BICD2: variants seen among roughly 807,000 people sequenced by gnomAD.
BICD2 encodes the protein protein bicaudal D homolog 2.
Under a neutral mutation model 72.9 loss-of-function variants are expected in BICD2, and 25 were observed. The observed-to-expected ratio is 0.34, with a 90% CI of 0.25 to 0.48. The LOEUF (loss-of-function observed/expected upper bound fraction) is 0.48. Among genes scored for constraint, BICD2 ranks in the 20% least tolerant of loss-of-function variants. BICD2 has a pLI of 0.99. For synonymous variants in BICD2, 501 were observed against 516.1 expected (o/e 0.97, Z 0.40); for missense variants, 894 against 1,175.2 (o/e 0.76, Z 3.50).
intron 1 of BICD2, among the ~76,000 whole-genome samples, chr9:92,761,904 G>A (rs868114583): frequency 6.6e-6 from 1 of 152,284 alleles, no homozygotes; most frequent in African/African-American, 2.4e-5. Context: ...AGCCAGCACC[G>A]TGCTATGTTG....
intron 1 of BICD2, among the ~76,000 whole-genome samples, chr9:92,763,687 C>T (rs1008907732): frequency 1.6e-4 from 24 of 150,034 alleles, no homozygotes; most frequent in Admixed American, 1.3e-3. Flanking sequence ...CCTCGACCAG[C>T]CTGGTGGTCT....
Position 92,764,738 on chromosome 9 carries a change from C to T in BICD2, c.7G>A (p.Ala3Thr), listed in dbSNP as rs749811756. 6.4e-7 allele frequency: 1 copy of T among 1,568,494 alleles called. No homozygotes were observed. Among genetic ancestry groups the T allele is most frequent in the Middle Eastern group, 1.7e-4 (1 of 5,916 alleles). Residue 3 changes from alanine to threonine, a missense_variant, in exon 1 of 7, where the codon GCG becomes ACG. Transcript: ENST00000356884. This position sits in a 1 kb window ranked among gnomAD's most constrained non-coding sequence, Gnocchi z 5.5. MS[A>T]PSEEEEYARL... The stretch of plus-strand genomic sequence containing the variant: ...GCGTACTCCTCCTCCTCCGACGGCG[C>T]CGACATGGTGGCCGAGGGCTGAGCC...
At chr9:92,757,662 G>A (rs530599638) in intron 1 of BICD2, among the ~76,000 whole-genome samples, 1 of 150,612 alleles carries the variant, frequency 6.6e-6, no homozygotes, top group East Asian at 2.0e-4. Flanking sequence ...AGCCGAGATC[G>A]CGCCATTGTA....
At position 92,718,417 on chromosome 9, in the gene BICD2, G is replaced by C. The variant is rs1853369094; in HGVS notation, c.2106+122C>G. ...AGGCAGTCGAGCTACTATGGGGCTG[G>C]CTCTGTCTGGTGGTGACGCAGGCCT... is the stretch of plus-strand genomic sequence containing the variant. On this transcript the variant is annotated intron_variant, in intron 5 of 6. Coordinates refer to ENST00000356884, the MANE Select transcript of BICD2 (RefSeq NM_001003800.2). The C allele has an allele frequency of 4.2e-6, 5 of 1,197,232 alleles. No homozygotes were observed. The Admixed American group carries it at 1.3e-4, about 32-fold the overall frequency. The allele number at this position is 1,197,232 out of a possible 1,614,324, so 74.2% of individuals were successfully genotyped here.
At position 92,720,267 on chromosome 9, in the gene BICD2, G is replaced by A. The variant is rs1587669986; in HGVS notation, c.1062+33C>T. The A allele has an allele frequency of 6.3e-7, 1 of 1,577,326 alleles. No individual in the cohort carries two copies. The highest frequency in any genetic ancestry group is 8.6e-7 in the Non-Finnish European group (1 of 1,161,620). On this transcript the variant is annotated intron_variant, in intron 4 of 6. Transcript: ENST00000356884. This position sits in a 1 kb window ranked among gnomAD's most constrained non-coding sequence, Gnocchi z 5.4. ...GGGAGCCCTGCAGACCTGGAGTGGGGACAGCGTGCCGAAGGCCCCACTGCC... is the reference window on the plus strand; with the variant it reads ...GGGAGCCCTGCAGACCTGGAGTGGGAACAGCGTGCCGAAGGCCCCACTGCC...
intron 2 of BICD2, among the ~76,000 whole-genome samples, chr9:92,723,732 T>C (rs191309889): frequency 6.6e-6 from 1 of 152,320 alleles, no homozygotes; most frequent in East Asian, 1.9e-4. Flanking sequence ...AAAAATTAGT[T>C]CAGGCTCTAA....
Position 92,714,526 on chromosome 9 carries a change from T to C in BICD2, c.*628A>G, listed in dbSNP as rs1037369578. 3 of 985,514 alleles carry C rather than the reference T, an allele frequency of 3.0e-6. No individual in the cohort carries two copies. The highest frequency in any genetic ancestry group is 2.4e-6 in the Non-Finnish European group (2 of 829,958). The allele number at this position is 985,514 out of a possible 1,614,324, so 61.0% of individuals were successfully genotyped here. ...GTTATGGTCAGCTGTGTCTGTGCCA[T>C]GTGTGTCTGGCCAGCAGAATACAGG... On this transcript the variant is annotated 3_prime_UTR_variant, in exon 7 of 7. Coordinates refer to ENST00000356884, the MANE Select transcript of BICD2 (RefSeq NM_001003800.2).
intron 1 of BICD2, among the ~76,000 whole-genome samples, chr9:92,745,619 A>C (rs10992444): frequency 0.28 from 41,880 of 151,554 alleles, 6,879 homozygotes; most frequent in East Asian, 0.76. Context: ...AAGCAAGAAG[A>C]CTCTGGGTGC....
At chr9:92,727,003 C>G (rs761493857) in intron 2 of BICD2, among the ~76,000 whole-genome samples, 7 of 152,190 alleles carry the variant, frequency 4.6e-5, no homozygotes, top group Non-Finnish European at 1.0e-4. Context: ...ACGGGCCAGA[C>G]AGATGGCAGC....
intron 1 of BICD2, among the ~76,000 whole-genome samples, chr9:92,747,282 G>A (rs1403763619): frequency 1.3e-5 from 2 of 152,186 alleles, no homozygotes; most frequent in Non-Finnish European, 2.9e-5. Flanking sequence ...CCCCTCTTAG[G>A]TGCTGACCCT....
chr9:92,719,700 A>G, intron 4 of BICD2, 118 bp from the exon 5 acceptor site: 1 of 1,105,860 alleles, frequency 9.0e-7, no homozygotes, highest in Non-Finnish European at 1.3e-6. Flanking sequence ...TGTCAGCCCC[A>G]GGTTCCTTGG....
intron 1 of BICD2, among the ~76,000 whole-genome samples, chr9:92,745,124 G>A (rs1853983110): frequency 6.6e-6 from 1 of 152,144 alleles, no homozygotes; most frequent in African/African-American, 2.4e-5. Flanking sequence ...TCAGGAAATG[G>A]TGGCAAGAAA....
Position 92,713,969 on chromosome 9 carries a change from G to T in BICD2, c.*1185C>A. On this transcript the variant is annotated 3_prime_UTR_variant, in exon 7 of 7. Coordinates refer to ENST00000356884, the MANE Select transcript of BICD2 (RefSeq NM_001003800.2). The stretch of plus-strand genomic sequence containing the variant: ...AGCCTCAGGTCCAGCTGGTCCCACA[G>T]GGTGATCGGGAAAAAAGTACTGAGA... 1 of 988,180 alleles carries T rather than the reference G, an allele frequency of 1.0e-6. No homozygotes were observed. Among genetic ancestry groups the T allele is most frequent in the Non-Finnish European group, 1.2e-6 (1 of 831,558 alleles). The allele number at this position is 988,180 out of a possible 1,614,324, so 61.2% of individuals were successfully genotyped here. A position where few individuals can be genotyped will look rare whatever the true frequency, so the allele number is the denominator to read the frequency against.
intron 1 of BICD2, among the ~76,000 whole-genome samples, chr9:92,753,140 A>C (rs972213754): frequency 9.8e-5 from 15 of 152,332 alleles, no homozygotes; most frequent in Non-Finnish European, 1.5e-4. Context: ...ACAAATTCCA[A>C]GTGAAAAACA....
intron 2 of BICD2, among the ~76,000 whole-genome samples, chr9:92,726,794 GAACC>G (rs1853577010): frequency 6.6e-6 from 1 of 152,100 alleles, no homozygotes; most frequent in Non-Finnish European, 1.5e-5. Flanking sequence ...GCACAAACAG[GAACC>G]ACAGAAATCC....
chr9:92,739,090 G>A (rs1853846970), intron 1 of BICD2, among the ~76,000 whole-genome samples: 1 of 152,196 alleles, frequency 6.6e-6, no homozygotes, highest in Non-Finnish European at 1.5e-5. Context: ...CTGCTAAGGT[G>A]GAGACACTGC....
chr9:92,749,482 C>T (rs1465574675), intron 1 of BICD2, among the ~76,000 whole-genome samples: 1 of 152,226 alleles, frequency 6.6e-6, no homozygotes, highest in Non-Finnish European at 1.5e-5. Flanking sequence ...TGTCACCAGC[C>T]TCTGCCCACC....
chr9:92,724,475 A>G (rs1214622279), intron 2 of BICD2, among the ~76,000 whole-genome samples: 2 of 152,244 alleles, frequency 1.3e-5, no homozygotes, highest in Admixed American at 1.3e-4. Context: ...ACCTACAGCA[A>G]ATGGACGCAG....
intron 6 of BICD2, among the ~76,000 whole-genome samples, chr9:92,717,087 C>A (rs1853331487): frequency 6.6e-6 from 1 of 152,244 alleles, no homozygotes; most frequent in South Asian, 2.1e-4. Context: ...CCTTCTGAAT[C>A]TACAAACATA....
Sources: gnomAD v4.1 joint callset for allele counts (sites outside exome capture counted in the v4.1 genomes callset) on GRCh38, gnomAD v4.1.1 for gene constraint, Gnocchi (gnomAD v3.1) non-coding constraint, MANE v1.5 for transcripts, NCBI Gene and HGNC (gene_info 2026-07-23, HGNC 2026-07-21) for gene names.